RANBP2: variants seen among roughly 807,000 people sequenced by gnomAD.
The protein encoded by RANBP2 is RAN binding protein 2, also known as E3 SUMO-protein ligase RanBP2.
In RANBP2, 57 loss-of-function variants were observed where a neutral mutation model predicts 303.6. The observed-to-expected ratio is 0.19, with a 90% CI of 0.15 to 0.23. The LOEUF (loss-of-function observed/expected upper bound fraction) is 0.23, where lower values mean the gene tolerates loss of function less well. RANBP2 is among the 10% of genes least tolerant of loss of function. The pLI is 1.00. For missense variants in RANBP2, 3,138 were observed against 3,780.8 expected, an observed-to-expected ratio of 0.83 and a Z score of 4.46; for synonymous variants, 1,167 against 1,301.5, an observed-to-expected ratio of 0.90 and a Z score of 2.23.
the RANBP2 span, among the ~76,000 whole-genome samples, chr2:109,716,284 C>T: frequency 6.6e-6 from 1 of 151,752 alleles, no homozygotes; most frequent in Admixed American, 6.6e-5. Flanking sequence ...ATGGATCTTG[C>T]TCTGTTGCCC....
the RANBP2 span, among the ~76,000 whole-genome samples, chr2:108,909,121 T>C: frequency 6.6e-6 from 1 of 152,224 alleles, no homozygotes; most frequent in Admixed American, 6.5e-5. Context: ...AATATTCGTG[T>C]ATGAAAGCAG....
chr2:108,842,075 G>A, the RANBP2 span, among the ~76,000 whole-genome samples: 9,764 of 152,142 alleles, frequency 0.064, 388 homozygotes, highest in South Asian at 0.15. Flanking sequence ...TGTTGCTCAG[G>A]CAGGAGTGCA....
chr2:109,348,072 C>T, the RANBP2 span: 56 of 1,345,456 alleles, frequency 4.2e-5, no homozygotes, highest in Non-Finnish European at 4.7e-5. Context: ...TGGCTCCTCC[C>T]GGAACCCTGG....
chr2:109,383,818 T>A, the RANBP2 span, among the ~76,000 whole-genome samples: 60 of 152,330 alleles, frequency 3.9e-4, no homozygotes, highest in African/African-American at 1.3e-3. Context: ...AGCCGCATTT[T>A]CCAGACGTCC....
chr2:108,826,997 A>G, the RANBP2 span, among the ~76,000 whole-genome samples: 1 of 151,932 alleles, frequency 6.6e-6, no homozygotes, highest in Non-Finnish European at 1.5e-5. Flanking sequence ...ATTCTTTTTG[A>G]TGATGTCAAA....
the RANBP2 span, chr2:108,910,889 A>G: frequency 1.2e-6 from 2 of 1,613,926 alleles, no homozygotes; most frequent in Non-Finnish European, 1.7e-6. Flanking sequence ...AGGCTCTCCG[A>G]CAGGGGGAGT....
At chr2:108,933,827 T>G in the RANBP2 span, among the ~76,000 whole-genome samples, 1 of 151,560 alleles carries the variant, frequency 6.6e-6, no homozygotes, top group Non-Finnish European at 1.5e-5. Context: ...GAGGGTTGGG[T>G]GCAAGCAAAG....
chr2:109,074,192 C>A, the RANBP2 span, among the ~76,000 whole-genome samples: 1 of 150,592 alleles, frequency 6.6e-6, no homozygotes, highest in Non-Finnish European at 1.5e-5. Flanking sequence ...CATAGTGAAA[C>A]CTGGTCTCTA....
chr2:108,979,457 T>TCTCC, the RANBP2 span, among the ~76,000 whole-genome samples: 9 of 140,086 alleles, frequency 6.4e-5, no homozygotes, highest in South Asian at 1.6e-3. Flanking sequence ...TGTCTCTGTC[T>TCTCC]CTCTCTCTCT....
chr2:109,705,073 CAAAATAAA>C, the RANBP2 span, among the ~76,000 whole-genome samples: 1 of 100,790 alleles, frequency 9.9e-6, no homozygotes, highest in Non-Finnish European at 2.0e-5. Context: ...GACTCCCTCT[CAAAATAAA>C]TAAATAAATA....
At chr2:109,708,184 C>A in the RANBP2 span, among the ~76,000 whole-genome samples, 27 of 152,268 alleles carry the variant, frequency 1.8e-4, no homozygotes, top group Admixed American at 1.7e-3. Context: ...ATGGCAAAAC[C>A]CCATCTCTAC....
chr2:109,227,658 G>A, the RANBP2 span, among the ~76,000 whole-genome samples: 11 of 152,144 alleles, frequency 7.2e-5, no homozygotes, highest in Admixed American at 3.9e-4. Flanking sequence ...TGGGGTACAC[G>A]GCAGCTCCCC....
the RANBP2 span, among the ~76,000 whole-genome samples, chr2:109,335,732 G>A: frequency 1.4e-4 from 22 of 152,136 alleles, no homozygotes; most frequent in African/African-American, 5.3e-4. Context: ...CGCCAGAACC[G>A]CACCCCACAA....
At chr2:109,772,760 C>T in the RANBP2 span, among the ~76,000 whole-genome samples, 1 of 139,620 alleles carries the variant, frequency 7.2e-6, no homozygotes, top group African/African-American at 2.8e-5. Context: ...AGTCTGGTGG[C>T]TGTGAGAGGC....
At chr2:109,488,854 G>C in the RANBP2 span, among the ~76,000 whole-genome samples, 1 of 152,234 alleles carries the variant, frequency 6.6e-6, no homozygotes, top group African/African-American at 2.4e-5. Context: ...GTTATTGGAG[G>C]GAGAGTGAGG....
At chr2:109,192,692 T>C in the RANBP2 span, among the ~76,000 whole-genome samples, 1 of 152,220 alleles carries the variant, frequency 6.6e-6, no homozygotes, top group Non-Finnish European at 1.5e-5. Context: ...GATGACTGCA[T>C]TTTTCAAGGA....
At chr2:109,685,270 G>A in the RANBP2 span, among the ~76,000 whole-genome samples, 1 of 152,304 alleles carries the variant, frequency 6.6e-6, no homozygotes, top group South Asian at 2.1e-4. Flanking sequence ...AACAAACAAT[G>A]TCACAATGAA....
chr2:108,788,784 T>G, downstream of RANBP2: 1 of 1,594,262 alleles, frequency 6.3e-7, no homozygotes. Context: ...TTTAGACTTA[T>G]GGCCAGTGCC....
chr2:109,012,710 C>T, the RANBP2 span, among the ~76,000 whole-genome samples: 1 of 152,238 alleles, frequency 6.6e-6, no homozygotes, highest in East Asian at 1.9e-4. Context: ...GTCAGGAGAT[C>T]GAGACCATCC....
Sources: allele counts gnomAD v4.1 joint callset (sites outside exome capture counted in the v4.1 genomes callset), GRCh38; gene constraint gnomAD v4.1.1; transcripts MANE v1.5; gene names NCBI Gene and HGNC (gene_info 2026-07-23, HGNC 2026-07-21).